Variants in WWOX observed in about 807,000 individuals in gnomAD.
The protein encoded by WWOX is WW domain-containing oxidoreductase.
A neutral mutation model predicts 46.2 loss-of-function variants in WWOX; 69 were observed. That is an observed-to-expected ratio of 1.49 (90% confidence interval 1.23 to 1.82). The LOEUF is 1.82. Among genes scored for constraint, WWOX ranks in the 40% most tolerant of loss-of-function variants. The probability of loss-of-function intolerance (pLI) is 0.00; values close to 1 mark genes in which losing one functional copy is unlikely to be tolerated. For missense variants in WWOX, 919 were observed against 542.6 expected (o/e 1.69, Z -6.89); for synonymous variants, 359 against 202.6 (o/e 1.77, Z -6.56).
At chr16:78,512,409 G>C (rs2085383341) in intron 8 of WWOX, among the ~76,000 whole-genome samples, 1 of 152,138 alleles carries the variant, frequency 6.6e-6, no homozygotes, top group Non-Finnish European at 1.5e-5. Flanking sequence ...ATAATACTGA[G>C]TTTTGAGTGT....
At chr16:78,933,526 G>A (rs932018418) in intron 8 of WWOX, among the ~76,000 whole-genome samples, 3 of 152,204 alleles carry the variant, frequency 2.0e-5, no homozygotes, top group Admixed American at 6.5e-5. Flanking sequence ...AGGATACGTC[G>A]GAGGAGCCAG....
rs528287385 is a variant in WWOX, at chr16:78,948,817, C to G, written c.1057-262791C>G. ...GTAATTAAGGTAACTAATCAGCTGACTTTAGAATAGGAAGGTTATCCTGGG... is the reference window on the plus strand; with the variant it reads ...GTAATTAAGGTAACTAATCAGCTGAGTTTAGAATAGGAAGGTTATCCTGGG... On this transcript the variant is annotated intron_variant, in intron 8 of 8. Coordinates refer to ENST00000566780, the MANE Select transcript of WWOX (RefSeq NM_016373.4). 9.2e-5 allele frequency among the ~76,000 whole-genome samples: 14 copies of G among 152,162 alleles called. No individual in the cohort carries two copies. In the East Asian group the frequency reaches 2.5e-3, roughly 27 times the overall value.
At chr16:78,876,454 T>C (rs1381960844) in intron 8 of WWOX, among the ~76,000 whole-genome samples, 1 of 149,374 alleles carries the variant, frequency 6.7e-6, no homozygotes, top group South Asian at 2.1e-4. Flanking sequence ...AAATAGATTG[T>C]GAATGCTTGA....
chr16:78,770,302 G>C (rs985581484), intron 8 of WWOX, among the ~76,000 whole-genome samples: 1 of 152,090 alleles, frequency 6.6e-6, no homozygotes, highest in Non-Finnish European at 1.5e-5. Flanking sequence ...AGTGAGCTTA[G>C]ATTGCACCAC....
intron 8 of WWOX, among the ~76,000 whole-genome samples, chr16:78,755,758 A>G (rs2049629475): frequency 6.6e-6 from 1 of 152,148 alleles, no homozygotes; most frequent in South Asian, 2.1e-4. Flanking sequence ...ATTCCTGAAA[A>G]GGGGCATGGG....
chr16:78,299,521 CTTTT>C (rs997647456), intron 5 of WWOX, among the ~76,000 whole-genome samples: 18 of 141,820 alleles, frequency 1.3e-4, no homozygotes, highest in Admixed American at 2.1e-4. Flanking sequence ...CTTTTCTTTT[CTTTT>C]TTTTTTTTTT....
intron 8 of WWOX, among the ~76,000 whole-genome samples, chr16:78,439,595 C>T (rs890715239): frequency 6.6e-6 from 1 of 152,188 alleles, no homozygotes; most frequent in African/African-American, 2.4e-5. Flanking sequence ...GGGTTGTATT[C>T]AAACTGCAGC....
chr16:78,518,736 C>G (rs2043289425), intron 8 of WWOX, among the ~76,000 whole-genome samples: 1 of 152,148 alleles, frequency 6.6e-6, no homozygotes, highest in Non-Finnish European at 1.5e-5. Flanking sequence ...AGAGAAGGTC[C>G]CAATGGCACC....
intron 1 of WWOX, among the ~76,000 whole-genome samples, chr16:78,101,371 GGGTCTCGCTCC>G (rs2151654797): frequency 4.9e-5 from 1 of 20,566 alleles, no homozygotes; most frequent in African/African-American, 9.6e-5. Context: ...TTTAAAGACA[GGGTCTCGCTCC>G]GTCGCCCAAA....
intron 8 of WWOX, among the ~76,000 whole-genome samples, chr16:78,947,907 G>T (rs1338974092): frequency 6.6e-6 from 1 of 152,166 alleles, no homozygotes; most frequent in Non-Finnish European, 1.5e-5. Context: ...CCTTGCTGTG[G>T]ATATTTAATT....
intron 8 of WWOX, among the ~76,000 whole-genome samples, chr16:79,210,560 G>C (rs983149583): frequency 1.3e-5 from 2 of 152,130 alleles, no homozygotes; most frequent in Non-Finnish European, 2.9e-5. Flanking sequence ...GTCCTCTCTT[G>C]CAACCCCTCT....
At chr16:78,251,928 T>A (rs548611121) in intron 5 of WWOX, among the ~76,000 whole-genome samples, 2 of 152,362 alleles carry the variant, frequency 1.3e-5, no homozygotes, top group East Asian at 3.9e-4. Context: ...TAATTAAGAG[T>A]TGTCAATACA....
intron 8 of WWOX, among the ~76,000 whole-genome samples, chr16:78,784,574 T>C (rs1014180233): frequency 2.0e-5 from 3 of 152,090 alleles, no homozygotes; most frequent in African/African-American, 7.2e-5. Context: ...GAATTGATAA[T>C]AGGAATTGTC....
intron 5 of WWOX, among the ~76,000 whole-genome samples, chr16:78,336,645 C>T (rs912035345): frequency 6.6e-6 from 1 of 151,896 alleles, no homozygotes; most frequent in East Asian, 1.9e-4. Context: ...GTAAGGACTT[C>T]TTAGTTCCAG....
chr16:78,979,106 A>G (rs981084704), intron 8 of WWOX, among the ~76,000 whole-genome samples: 1 of 143,226 alleles, frequency 7.0e-6, no homozygotes, highest in African/African-American at 2.6e-5. Flanking sequence ...TTTTCCCTAT[A>G]CAGACACAGG....
intron 8 of WWOX, among the ~76,000 whole-genome samples, chr16:78,493,744 G>C (rs1480370090): frequency 1.3e-5 from 2 of 152,166 alleles, no homozygotes; most frequent in Non-Finnish European, 2.9e-5. Context: ...TTGTAGAGAT[G>C]AGAAAACTGA....
chr16:78,141,218 C>T (rs937291548), intron 4 of WWOX, among the ~76,000 whole-genome samples: 2 of 152,106 alleles, frequency 1.3e-5, no homozygotes, highest in East Asian at 3.9e-4. Flanking sequence ...AATTTAAATG[C>T]CGAGCAGGGC....
chr16:79,030,461 A>G lies in WWOX; in HGVS notation c.1057-181147A>G, dbSNP rs371939554. ...GGATGCCTTTTGATCTGCACGGGCA[A>G]TCCCATTAGCAGTGATGGCTTAAGG... On this transcript the variant is annotated intron_variant, in intron 8 of 8. Transcript: ENST00000566780. Among the ~76,000 whole-genome samples, 25 of 152,292 alleles carry G rather than the reference A, an allele frequency of 1.6e-4. No individual in the cohort carries two copies. In the East Asian group the frequency reaches 4.6e-3, roughly 28 times the overall value.
intron 8 of WWOX, chr16:78,996,084 C>A: frequency 2.0e-6 from 1 of 496,254 alleles, no homozygotes. Flanking sequence ...GTTATTTTGG[C>A]AAAATGAAAT....
Sources: gnomAD v4.1 joint callset for allele counts (sites outside exome capture counted in the v4.1 genomes callset) on GRCh38, gnomAD v4.1.1 for gene constraint, MANE v1.5 for transcripts, NCBI Gene and HGNC (gene_info 2026-07-23, HGNC 2026-07-21) for gene names.